CNTLN: variants seen among roughly 807,000 people sequenced by gnomAD.
CNTLN encodes centlein.
In CNTLN, 212 loss-of-function variants were observed where a neutral mutation model predicts 180.0. The observed-to-expected ratio is 1.18, with a 90% CI of 1.05 to 1.32. CNTLN has a LOEUF of 1.32. CNTLN is among the 40% of genes most tolerant of loss of function. The probability of loss-of-function intolerance (pLI) is 0.00; values close to 1 mark genes in which losing one functional copy is unlikely to be tolerated. For synonymous variants in CNTLN, 722 were observed against 563.1 expected, an observed-to-expected ratio of 1.28 and a Z score of -3.99; for missense variants, 2,095 against 1,610.9, an observed-to-expected ratio of 1.30 and a Z score of -5.14.
At chr9:17,495,682 A>G (rs1290564702) in intron 25 of CNTLN, among the ~76,000 whole-genome samples, 1 of 152,198 alleles carries the variant, frequency 6.6e-6, no homozygotes, top group African/African-American at 2.4e-5. Flanking sequence ...TACAGTGTTT[A>G]TAAAATCTAC....
At chr9:17,427,900 G>T (rs1198643560) in intron 18 of CNTLN, among the ~76,000 whole-genome samples, 2 of 152,152 alleles carry the variant, frequency 1.3e-5, no homozygotes, top group Admixed American at 6.5e-5. Context: ...TCTTCTGTGT[G>T]CTAGGGTCCA....
intron 10 of CNTLN, among the ~76,000 whole-genome samples, chr9:17,338,569 A>G (rs1207739178): frequency 1.3e-5 from 2 of 151,948 alleles, no homozygotes; most frequent in African/African-American, 4.8e-5. Flanking sequence ...CTCAATAAAC[A>G]TAATTAACTC....
intron 1 of CNTLN, among the ~76,000 whole-genome samples, chr9:17,136,423 G>A (rs557662176): frequency 1.3e-5 from 2 of 152,256 alleles, no homozygotes; most frequent in East Asian, 3.9e-4. Context: ...TCCGCCTCCC[G>A]GGTTCACGCC....
chr9:17,485,584 G>A (rs139998057), intron 24 of CNTLN, among the ~76,000 whole-genome samples: 225 of 152,198 alleles, frequency 1.5e-3, no homozygotes, highest in African/African-American at 5.0e-3. Flanking sequence ...CTTATTATAG[G>A]CATTTAATTA....
At chr9:17,354,118 G>A (rs1422574776) in intron 12 of CNTLN, among the ~76,000 whole-genome samples, 2 of 152,202 alleles carry the variant, frequency 1.3e-5, no homozygotes, top group African/African-American at 4.8e-5. Flanking sequence ...CCGCAGCAGT[G>A]CCAGCCCACC....
intron 2 of CNTLN, among the ~76,000 whole-genome samples, chr9:17,210,778 T>A (rs1322261756): frequency 6.6e-6 from 1 of 152,192 alleles, no homozygotes; most frequent in Admixed American, 6.5e-5. Context: ...CTCATTGTGG[T>A]TTTGATTTGC....
chr9:17,342,195 A>T (rs1295864405), intron 11 of CNTLN, 130 bp from the exon 12 acceptor site: 26 of 907,518 alleles, frequency 2.9e-5, no homozygotes, highest in Non-Finnish European at 4.1e-5. Context: ...TAGGAAATTC[A>T]TTCAATAAAT....
chr9:17,333,495 G>C (rs566190757), intron 10 of CNTLN, among the ~76,000 whole-genome samples: 2 of 152,084 alleles, frequency 1.3e-5, no homozygotes, highest in East Asian at 3.9e-4. Flanking sequence ...CTTTACACAT[G>C]ATTAGAATGC....
At chr9:17,271,240 A>G (rs985749542) in intron 5 of CNTLN, among the ~76,000 whole-genome samples, 7 of 151,948 alleles carry the variant, frequency 4.6e-5, no homozygotes, top group Non-Finnish European at 8.8e-5. Context: ...CGCGCCCAGC[A>G]CTATTTTTGT....
At position 17,415,964 on chromosome 9, in the gene CNTLN, A is replaced by G. The variant is rs773873168; in HGVS notation, c.2891-2A>G. 5 of 1,600,508 alleles carry G rather than the reference A, an allele frequency of 3.1e-6. No homozygotes were observed. The highest frequency in any genetic ancestry group is 1.1e-5 in the South Asian group (1 of 88,388). On this transcript the variant is annotated splice_acceptor_variant, in intron 17 of 25. Coordinates refer to ENST00000380647, the MANE Select transcript of CNTLN (RefSeq NM_017738.4). LOFTEE classifies it high-confidence loss of function. The stretch of plus-strand genomic sequence containing the variant: ...AATATGAACAATATTGTTTTTATGT[A>G]GTCAACAGAGAAAAGTACAAAAATA...
chr9:17,485,065 A>G (rs988114624), intron 24 of CNTLN, among the ~76,000 whole-genome samples: 13 of 152,128 alleles, frequency 8.5e-5, no homozygotes, highest in Admixed American at 2.6e-4. Flanking sequence ...AAGACACTGC[A>G]TTTTTTACAT....
At chr9:17,192,083 A>G (rs1048793865) in intron 2 of CNTLN, among the ~76,000 whole-genome samples, 22 of 152,172 alleles carry the variant, frequency 1.4e-4, no homozygotes, top group African/African-American at 5.1e-4. Context: ...TATCATAAGT[A>G]TACATTTGTG....
chr9:17,356,881 T>A (rs1183224323), intron 12 of CNTLN, among the ~76,000 whole-genome samples: 1 of 152,154 alleles, frequency 6.6e-6, no homozygotes, highest in Non-Finnish European at 1.5e-5. Context: ...CTTTTTCCCC[T>A]TTCTGTTTCC....
At chr9:17,212,102 G>A (rs1428301893) in intron 2 of CNTLN, among the ~76,000 whole-genome samples, 6 of 152,178 alleles carry the variant, frequency 3.9e-5, no homozygotes, top group Non-Finnish European at 8.8e-5. Context: ...TTGAATAGGA[G>A]TGGTGAGAGA....
At chr9:17,297,591 T>A (rs1431662855) in intron 6 of CNTLN, among the ~76,000 whole-genome samples, 1 of 152,186 alleles carries the variant, frequency 6.6e-6, no homozygotes, top group Non-Finnish European at 1.5e-5. Context: ...AGTTTCATCC[T>A]GGGTAGGTTC....
In CNTLN at chr9:17,295,144, C is replaced by T. The variant is rs900216389; in HGVS notation, c.984-3046C>T. ...CTCTGAGTGCGGGCCGCCAAGCCCA[C>T]GCCCACCCGGAACTCTAGCTGGCCC... On this transcript the variant is annotated intron_variant, in intron 6 of 25. Transcript: ENST00000380647. Among the ~76,000 whole-genome samples the T allele has an allele frequency of 1.9e-4, 29 of 151,954 alleles. No individual in the cohort carries two copies. In the East Asian group the frequency reaches 4.5e-3, roughly 24 times the overall value.
intron 18 of CNTLN, among the ~76,000 whole-genome samples, chr9:17,448,998 T>A (rs920721805): frequency 1.3e-5 from 2 of 152,138 alleles, no homozygotes; most frequent in Admixed American, 6.5e-5. Flanking sequence ...TCTTTCCTAT[T>A]GAGGAAAGGA....
chr9:17,436,237 C>T (rs1225026700), intron 18 of CNTLN, among the ~76,000 whole-genome samples: 1 of 152,124 alleles, frequency 6.6e-6, no homozygotes, highest in Non-Finnish European at 1.5e-5. Flanking sequence ...ATTATCTTCT[C>T]TGATTTCTTG....
intron 23 of CNTLN, among the ~76,000 whole-genome samples, chr9:17,482,935 T>C (rs1196729713): frequency 6.6e-6 from 1 of 152,090 alleles, no homozygotes; most frequent in East Asian, 1.9e-4. Flanking sequence ...AAAAAAATTG[T>C]GGTTTGAAAG....
Sources: gnomAD v4.1 joint callset for allele counts (sites outside exome capture counted in the v4.1 genomes callset) on GRCh38, gnomAD v4.1.1 for gene constraint, MANE v1.5 for transcripts, NCBI Gene and HGNC (gene_info 2026-07-23, HGNC 2026-07-21) for gene names.